Variants in RANBP2 observed in about 807,000 individuals in gnomAD.
RANBP2 encodes E3 SUMO-protein ligase RanBP2.
Under a neutral mutation model 303.6 loss-of-function variants are expected in RANBP2, and 57 were observed. The observed-to-expected ratio is 0.19, with a 90% CI of 0.15 to 0.23. RANBP2 has a LOEUF of 0.23. Ranked by LOEUF, RANBP2 falls within the 10% of genes least tolerant of loss-of-function variation. The probability of loss-of-function intolerance (pLI) is 1.00; values close to 1 mark genes in which losing one functional copy is unlikely to be tolerated. For synonymous variants in RANBP2, 1,167 were observed against 1,301.5 expected (o/e 0.90, Z 2.23); for missense variants, 3,138 against 3,780.8 (o/e 0.83, Z 4.46).
chr2:109,374,523 G>C, the RANBP2 span, among the ~76,000 whole-genome samples: 1 of 152,180 alleles, frequency 6.6e-6, no homozygotes, highest in Non-Finnish European at 1.5e-5. Flanking sequence ...GTGGGAACTT[G>C]GGTGTTTGCA....
chr2:108,737,509 T>C (rs575448600), intron 6 of RANBP2, among the ~76,000 whole-genome samples: 10 of 150,378 alleles, frequency 6.6e-5, no homozygotes, highest in African/African-American at 2.2e-4. Context: ...CAGCTAATTT[T>C]TGTATTTTTA....
At chr2:108,989,666 C>A in the RANBP2 span, among the ~76,000 whole-genome samples, 1 of 152,240 alleles carries the variant, frequency 6.6e-6, no homozygotes, top group African/African-American at 2.4e-5. Context: ...CTCTGGACAC[C>A]TCACACCACC....
At chr2:109,743,346 T>C in the RANBP2 span, among the ~76,000 whole-genome samples, 1 of 149,032 alleles carries the variant, frequency 6.7e-6, no homozygotes, top group Non-Finnish European at 1.5e-5. Flanking sequence ...ATGACTTCAA[T>C]GTAAAATGCA....
chr2:109,299,782 AT>A, the RANBP2 span, among the ~76,000 whole-genome samples: 1 of 152,118 alleles, frequency 6.6e-6, no homozygotes, highest in Non-Finnish European at 1.5e-5. Flanking sequence ...CAGATGGAGG[AT>A]GTGGCCGTGG....
At chr2:109,518,869 A>G in the RANBP2 span, among the ~76,000 whole-genome samples, 1 of 150,160 alleles carries the variant, frequency 6.7e-6, no homozygotes, top group Non-Finnish European at 1.5e-5. Flanking sequence ...CATATTTTAC[A>G]TGGCCCCAGC....
chr2:109,213,706 G>A, the RANBP2 span, among the ~76,000 whole-genome samples: 2 of 152,350 alleles, frequency 1.3e-5, no homozygotes, highest in East Asian at 3.9e-4. Context: ...ACGTGTCAGA[G>A]CCTGGCCTTT....
At chr2:109,552,922 G>T in the RANBP2 span, 2 of 742,250 alleles carry the variant, frequency 2.7e-6, no homozygotes, top group Non-Finnish European at 4.2e-6. Context: ...TTTAATTTCA[G>T]GCTATGATTC....
the RANBP2 span, among the ~76,000 whole-genome samples, chr2:109,011,042 C>T: frequency 1.3e-5 from 2 of 152,150 alleles, no homozygotes; most frequent in African/African-American, 4.8e-5. Flanking sequence ...TAGTCTGGAA[C>T]CATTAAGGGA....
At chr2:109,015,714 T>C in the RANBP2 span, among the ~76,000 whole-genome samples, 2 of 152,076 alleles carry the variant, frequency 1.3e-5, no homozygotes, top group Non-Finnish European at 1.5e-5. Context: ...GCCGAGATCA[T>C]GTCACTGTAC....
the RANBP2 span, among the ~76,000 whole-genome samples, chr2:109,030,331 C>T: frequency 1.3e-5 from 2 of 152,140 alleles, no homozygotes; most frequent in South Asian, 2.1e-4. Flanking sequence ...TGGTATGCTA[C>T]GTAAAATTCC....
chr2:109,469,357 C>G, the RANBP2 span, among the ~76,000 whole-genome samples: 1 of 152,022 alleles, frequency 6.6e-6, no homozygotes, highest in African/African-American at 2.4e-5. Context: ...TGGCCCTTTA[C>G]TAGCCCCCGT....
chr2:108,849,064 A>T, the RANBP2 span, among the ~76,000 whole-genome samples: 1 of 152,204 alleles, frequency 6.6e-6, no homozygotes, highest in South Asian at 2.1e-4. Context: ...ATTTCTGCAA[A>T]TGAAAAACCC....
the RANBP2 span, among the ~76,000 whole-genome samples, chr2:109,186,109 G>A: frequency 6.6e-6 from 1 of 152,220 alleles, no homozygotes; most frequent in African/African-American, 2.4e-5. Context: ...TTCAGGAGAG[G>A]GCAGGCCCTG....
chr2:108,812,692 G>C, the RANBP2 span: 1 of 1,609,762 alleles, frequency 6.2e-7, no homozygotes, highest in Non-Finnish European at 8.5e-7. Flanking sequence ...GTTCAAGCTC[G>C]TTTAGATAAT....
At chr2:109,456,721 A>G in the RANBP2 span, among the ~76,000 whole-genome samples, 1 of 152,342 alleles carries the variant, frequency 6.6e-6, no homozygotes, top group Middle Eastern at 3.4e-3. Flanking sequence ...CTTTCAGGGT[A>G]CAAATGTGGA....
the RANBP2 span, among the ~76,000 whole-genome samples, chr2:109,514,572 G>GC: frequency 1.3e-5 from 2 of 152,176 alleles, no homozygotes; most frequent in East Asian, 3.9e-4. Context: ...TGGGACCAGG[G>GC]CCGTCCCTAG....
the RANBP2 span, among the ~76,000 whole-genome samples, chr2:109,078,102 A>ATATATAGCG: frequency 7.8e-5 from 7 of 90,126 alleles, no homozygotes; most frequent in African/African-American, 2.7e-4. Flanking sequence ...ATATATATAT[A>ATATATAGCG]TATATATATA....
At chr2:109,369,734 G>C in the RANBP2 span, among the ~76,000 whole-genome samples, 1 of 152,158 alleles carries the variant, frequency 6.6e-6, no homozygotes, top group Non-Finnish European at 1.5e-5. Context: ...CACATGGGCT[G>C]TCCAGCTCTG....
chr2:109,057,815 C>T, the RANBP2 span, among the ~76,000 whole-genome samples: 3 of 152,176 alleles, frequency 2.0e-5, no homozygotes, highest in Non-Finnish European at 4.4e-5. Flanking sequence ...TGCCAGCTTG[C>T]GGTGGTTACT....
Sources: allele counts gnomAD v4.1 joint callset (sites outside exome capture counted in the v4.1 genomes callset), GRCh38; gene constraint gnomAD v4.1.1; transcripts MANE v1.5; gene names NCBI Gene and HGNC (gene_info 2026-07-23, HGNC 2026-07-21).